HPGDS: variants seen among roughly 807,000 people sequenced by gnomAD.
The protein encoded by HPGDS is GST class-sigma.
A neutral mutation model predicts 23.1 loss-of-function variants in HPGDS; 26 were observed. The ratio of observed to expected loss-of-function variants is 1.13; its 90% CI spans 0.83 to 1.56. HPGDS has a LOEUF of 1.56. Ranked by LOEUF, HPGDS falls within the 40% of genes most tolerant of loss-of-function variation. The probability of loss-of-function intolerance (pLI) is 0.00; values close to 1 mark genes in which losing one functional copy is unlikely to be tolerated. For missense variants in HPGDS, 268 were observed against 236.4 expected (o/e 1.13, Z -0.88); for synonymous variants, 95 against 77.9 (o/e 1.22, Z -1.16).
chr4:94,336,585 T>C (rs1225812738), intron 1 of HPGDS, among the ~76,000 whole-genome samples: 2 of 152,222 alleles, frequency 1.3e-5, no homozygotes, highest in Non-Finnish European at 2.9e-5. Flanking sequence ...GAAATGTCCT[T>C]GAAAGAGACA....
intron 1 of HPGDS, among the ~76,000 whole-genome samples, chr4:94,339,345 G>A (rs142689621): frequency 3.3e-5 from 5 of 152,328 alleles, no homozygotes; most frequent in Non-Finnish European, 7.4e-5. Context: ...AGCTGATTGT[G>A]TTTGAAGATA....
Position 94,317,882 on chromosome 4 carries a change from T to G in HPGDS, c.217A>C (p.Lys73Gln). The G allele has an allele frequency of 1.3e-6, 2 of 1,599,728 alleles. No individual in the cohort carries two copies. Among genetic ancestry groups the G allele is most frequent in the Non-Finnish European group, 1.7e-6 (2 of 1,168,156 alleles). Residue 73 changes from lysine (K) to glutamine (Q), a missense_variant, in exon 3 of 6, where the codon AAA (lysine) becomes CAA (glutamine). Lys to Gln is a moderately conservative substitution (Grantham distance 53, BLOSUM62 1). Transcript: ENST00000295256. ...QSLAIARYLT[K>Q]NTDLAGNTEM... ...ACAATAAACATGTTACCTGTGTTTT[T>G]GGTCAAATATCTTGCTATTGCTAGG... is the stretch of plus-strand genomic sequence containing the variant.
At chr4:94,332,353 CA>C (rs1207852028) in intron 2 of HPGDS, among the ~76,000 whole-genome samples, 1 of 152,214 alleles carries the variant, frequency 6.6e-6, no homozygotes, top group East Asian at 1.9e-4. Flanking sequence ...CCACCAAGTA[CA>C]GGGAACCAAA....
At chr4:94,317,742 A>T in intron 3 of HPGDS, 131 bp downstream of exon 3, 1 of 548,032 alleles carries the variant, frequency 1.8e-6, no homozygotes, top group Non-Finnish European at 3.2e-6. Flanking sequence ...GTATATTTAT[A>T]CTTTTCTCTT....
At chr4:94,323,068 T>A (rs1237346287) in intron 2 of HPGDS, among the ~76,000 whole-genome samples, 1 of 152,170 alleles carries the variant, frequency 6.6e-6, no homozygotes, top group Non-Finnish European at 1.5e-5. Context: ...TGTATTTGTG[T>A]GGTTTTGAGT....
rs188506944 is a variant in HPGDS, at chr4:94,310,647, A to G, written c.227-1904T>C. Reference sequence around the variant, plus strand: ...TTTTTTGGTTCCATATGAACTTTAAAGTAGTTTTTTTCCAATTCTGTGAAG... The same window carrying G: ...TTTTTTGGTTCCATATGAACTTTAAGGTAGTTTTTTTCCAATTCTGTGAAG... On this transcript the variant is annotated intron_variant, in intron 3 of 5. Transcript: ENST00000295256. 4.6e-3 allele frequency among the ~76,000 whole-genome samples: 704 copies of G among 152,182 alleles called. 3 individuals are homozygous for G. The highest frequency in any genetic ancestry group is 0.016 in the African/African-American group (660 of 41,482).
At chr4:94,334,299 C>T in intron 2 of HPGDS, 198 bp downstream of exon 2, 1 of 456,310 alleles carries the variant, frequency 2.2e-6, no homozygotes, top group Non-Finnish European at 3.8e-6. Flanking sequence ...CCTTTATATT[C>T]TCTTTCTGTA....
At chr4:94,328,156 C>T (rs969074800) in intron 2 of HPGDS, among the ~76,000 whole-genome samples, 1 of 152,240 alleles carries the variant, frequency 6.6e-6, no homozygotes, top group Non-Finnish European at 1.5e-5. Context: ...AATGGGGAGT[C>T]CCTCCCGGCT....
intron 4 of HPGDS, among the ~76,000 whole-genome samples, chr4:94,303,188 C>T (rs187793178): frequency 3.3e-5 from 5 of 152,226 alleles, no homozygotes; most frequent in Admixed American, 2.6e-4. Context: ...TATACTACCA[C>T]AACATAATGC....
At chr4:94,316,867 C>T (rs544183984) in intron 3 of HPGDS, among the ~76,000 whole-genome samples, 1 of 152,362 alleles carries the variant, frequency 6.6e-6, no homozygotes, top group East Asian at 1.9e-4. Context: ...TTGAAAAGCA[C>T]TGCCCAGGTC....
At chr4:94,320,341 T>A (rs1298214491) in intron 2 of HPGDS, among the ~76,000 whole-genome samples, 2 of 152,166 alleles carry the variant, frequency 1.3e-5, no homozygotes, top group Admixed American at 6.6e-5. Flanking sequence ...CACCACACTG[T>A]CTTCCACAAT....
intron 3 of HPGDS, among the ~76,000 whole-genome samples, chr4:94,309,626 A>G (rs974710536): frequency 5.3e-5 from 8 of 151,980 alleles, no homozygotes; most frequent in Non-Finnish European, 1.0e-4. Context: ...ATGATTTATA[A>G]TCCTTTGGGT....
intron 3 of HPGDS, among the ~76,000 whole-genome samples, chr4:94,315,813 A>C (rs1035958704): frequency 6.6e-6 from 1 of 152,228 alleles, no homozygotes; most frequent in African/African-American, 2.4e-5. Context: ...AATAGTCTTC[A>C]GAATTCTTCA....
intron 2 of HPGDS, among the ~76,000 whole-genome samples, chr4:94,323,453 A>G (rs1283112386): frequency 6.6e-6 from 1 of 152,274 alleles, no homozygotes; most frequent in Admixed American, 6.5e-5. Flanking sequence ...CTCCTCTACC[A>G]GGTGCATATA....
intron 1 of HPGDS, among the ~76,000 whole-genome samples, chr4:94,338,928 G>C (rs969955104): frequency 1.3e-5 from 2 of 152,176 alleles, no homozygotes; most frequent in African/African-American, 4.8e-5. Context: ...GAAAAAAAGA[G>C]AACAGGAGAG....
chr4:94,304,923 T>A (rs1291667309), intron 4 of HPGDS, among the ~76,000 whole-genome samples: 2 of 152,050 alleles, frequency 1.3e-5, no homozygotes, highest in African/African-American at 4.8e-5. Context: ...AGCAAACTGA[T>A]AAATTGATAG....
At chr4:94,321,084 A>G (rs1300055269) in intron 2 of HPGDS, among the ~76,000 whole-genome samples, 5 of 151,528 alleles carry the variant, frequency 3.3e-5, no homozygotes, top group African/African-American at 7.3e-5. Context: ...GATGTGTGGT[A>G]TTATTTCTGA....
chr4:94,324,697 T>C (rs540776637), intron 2 of HPGDS, among the ~76,000 whole-genome samples: 1 of 152,328 alleles, frequency 6.6e-6, no homozygotes, highest in South Asian at 2.1e-4. Context: ...TTGTGATGGG[T>C]TCAAACATCC....
chr4:94,339,747 C>T (rs1372060576), intron 1 of HPGDS, among the ~76,000 whole-genome samples: 1 of 152,002 alleles, frequency 6.6e-6, no homozygotes, highest in African/African-American at 2.4e-5. Flanking sequence ...TATATCCCCA[C>T]CAGAATCTCA....
Sources: gnomAD v4.1 joint callset for allele counts (sites outside exome capture counted in the v4.1 genomes callset) on GRCh38, gnomAD v4.1.1 for gene constraint, MANE v1.5 for transcripts, NCBI Gene and HGNC (gene_info 2026-07-23, HGNC 2026-07-21) for gene names.